Variants in FAM178B observed in about 807,000 individuals in gnomAD.
FAM178B encodes the protein family with sequence similarity 178 member B, also known as protein FAM178B.
FAM178B carries 82 observed loss-of-function variants against 91.7 expected under a neutral mutation model. That is an observed-to-expected ratio of 0.89 (90% CI 0.75 to 1.07). The LOEUF is 1.07. Among genes scored for constraint, FAM178B ranks in the 50% least tolerant of loss-of-function variants. FAM178B has a pLI of 0.00. For synonymous variants in FAM178B, 368 were observed against 359.4 expected (o/e 1.02, Z -0.27); for missense variants, 769 against 846.7 (o/e 0.91, Z 1.14).
intron 7 of FAM178B, 137 bp from the exon 8 acceptor site, chr2:96,948,039 T>G: frequency 1.7e-6 from 1 of 600,962 alleles, no homozygotes; most frequent in Non-Finnish European, 3.0e-6. Context: ...AGAAGGACAT[T>G]GTCATTGTTG....
chr2:96,900,256 G>A (rs907789882), intron 13 of FAM178B, among the ~76,000 whole-genome samples: 1 of 151,998 alleles, frequency 6.6e-6, no homozygotes, highest in Admixed American at 6.6e-5. Context: ...CAGCAACACC[G>A]CTGGGTCCCT....
intron 4 of FAM178B, among the ~76,000 whole-genome samples, chr2:96,967,943 C>G (rs1346570764): frequency 7.0e-5 from 2 of 28,546 alleles, no homozygotes; most frequent in Non-Finnish European, 4.1e-4. Flanking sequence ...TTTTTTGATA[C>G]CAGACATCAC....
At chr2:96,885,308 G>A (rs1488722091) in intron 14 of FAM178B, among the ~76,000 whole-genome samples, 1 of 152,254 alleles carries the variant, frequency 6.6e-6, no homozygotes, top group African/African-American at 2.4e-5. Context: ...CCCAGCACGT[G>A]CCCACACCCT....
At chr2:96,948,993 ACTCTGC>A (rs1404116617) in intron 7 of FAM178B, among the ~76,000 whole-genome samples, 1 of 151,994 alleles carries the variant, frequency 6.6e-6, no homozygotes, top group African/African-American at 2.4e-5. Flanking sequence ...GGCATCTAGA[ACTCTGC>A]CTTTCTCCTC....
intron 13 of FAM178B, chr2:96,898,188 G>T: frequency 1.1e-6 from 1 of 896,698 alleles, no homozygotes; most frequent in African/African-American, 1.8e-5. Context: ...GTGCACTGAT[G>T]AGGAAAGGGA....
Position 96,876,095 on chromosome 2 carries a change from G to A in FAM178B, c.*181C>T, listed in dbSNP as rs1315310401. 6.4e-6 allele frequency: 4 copies of A among 623,224 alleles called. No individual in the cohort carries two copies. The highest frequency in any genetic ancestry group is 2.8e-5 in the East Asian group (1 of 35,576). 38.6% of individuals were successfully genotyped at this position (623,224 alleles called of 1,614,324 possible). ...GAGAGGAGAGGGGGTCGGGGCGGTG[G>A]CAGAGGCAGGCTCTTGCAGAGAGGA... is the stretch of plus-strand genomic sequence containing the variant. On this transcript the variant is annotated 3_prime_UTR_variant, in exon 17 of 17. Coordinates refer to ENST00000490605, the MANE Select transcript of FAM178B (RefSeq NM_001122646.3).
At chr2:96,912,656 C>T (rs115597125) in intron 12 of FAM178B, among the ~76,000 whole-genome samples, 5,024 of 152,250 alleles carry the variant, frequency 0.033, 106 homozygotes, top group Middle Eastern at 0.1. Flanking sequence ...GAGAGGGAGC[C>T]GCGTCCTCTC....
chr2:96,971,952 C>T lies in FAM178B; in HGVS notation c.513G>A (p.Glu171=). Residue 171 remains glutamate, a synonymous_variant, in exon 3 of 17, where the codon GAG becomes GAA. Transcript: ENST00000490605. Reference sequence around the variant, plus strand: ...GGCCTGACGTGTTCCAGAACAGCTTCTCTGGCAAGGCCAGGCCCCTCTTCG... The same window carrying T: ...GGCCTGACGTGTTCCAGAACAGCTTTTCTGGCAAGGCCAGGCCCCTCTTCG... ...LDPKRGLALP[E]KLFWNTSGLS... The T allele has an allele frequency of 6.5e-7, 1 of 1,549,164 alleles. No homozygotes were observed. The highest frequency in any genetic ancestry group is 1.2e-5 in the South Asian group (1 of 82,270).
At chr2:96,914,822 C>A (rs1317151720) in intron 12 of FAM178B, among the ~76,000 whole-genome samples, 2 of 152,056 alleles carry the variant, frequency 1.3e-5, no homozygotes, top group South Asian at 4.2e-4. Flanking sequence ...CCCAGGAGGT[C>A]GAAGCTGCAG....
chr2:96,915,882 A>G (rs2153370410), intron 12 of FAM178B, among the ~76,000 whole-genome samples: 1 of 152,236 alleles, frequency 6.6e-6, no homozygotes, highest in East Asian at 1.9e-4. Flanking sequence ...TATTAACCTC[A>G]CACCCAAAGA....
intron 12 of FAM178B, among the ~76,000 whole-genome samples, chr2:96,908,910 C>T (rs1179776256): frequency 2.0e-5 from 3 of 152,066 alleles, no homozygotes; most frequent in African/African-American, 7.2e-5. Flanking sequence ...CTTTGGGAGG[C>T]TGAGGTGGGA....
chr2:96,922,991 T>TG, intron 10 of FAM178B, among the ~76,000 whole-genome samples: 1 of 147,648 alleles, frequency 6.8e-6, no homozygotes, highest in Non-Finnish European at 1.5e-5. Context: ...TTTTTTGAGA[T>TG]GGAGTCTCGC....
intron 1 of FAM178B, among the ~76,000 whole-genome samples, chr2:96,974,784 A>G (rs2082268081): frequency 6.6e-6 from 1 of 152,146 alleles, no homozygotes; most frequent in Admixed American, 6.6e-5. Context: ...CAAAGATTAT[A>G]TATTGACACA....
At chr2:96,930,084 G>A (rs982296952) in intron 8 of FAM178B, among the ~76,000 whole-genome samples, 2 of 151,806 alleles carry the variant, frequency 1.3e-5, no homozygotes, top group Non-Finnish European at 2.9e-5. Context: ...CGAGCATGGC[G>A]GCATGAGCCT....
chr2:96,889,334 A>G (rs938546941), intron 14 of FAM178B, among the ~76,000 whole-genome samples: 2 of 152,132 alleles, frequency 1.3e-5, no homozygotes, highest in Non-Finnish European at 2.9e-5. Context: ...CTTGTACTAT[A>G]TGCCTCCCAA....
At chr2:96,933,113 C>T (rs1386001679) in intron 8 of FAM178B, among the ~76,000 whole-genome samples, 1 of 140,228 alleles carries the variant, frequency 7.1e-6, no homozygotes, top group Non-Finnish European at 1.6e-5. Context: ...CGTGGTAGTG[C>T]ACGCCTGTAA....
chr2:96,880,585 G>C (rs1303692112), intron 14 of FAM178B, among the ~76,000 whole-genome samples: 3 of 151,324 alleles, frequency 2.0e-5, no homozygotes, highest in Admixed American at 6.6e-5. Context: ...AATACAATGA[G>C]AGTTGGTTTA....
chr2:96,930,760 T>C (rs1275037044), intron 8 of FAM178B, among the ~76,000 whole-genome samples: 1 of 152,208 alleles, frequency 6.6e-6, no homozygotes, highest in Admixed American at 6.5e-5. Flanking sequence ...CCAAGTGTGA[T>C]AGCATCAAGA....
chr2:96,945,017 C>T (rs143350067), intron 8 of FAM178B, among the ~76,000 whole-genome samples: 158 of 152,296 alleles, frequency 1.0e-3, no homozygotes, highest in African/African-American at 3.7e-3. Context: ...GGTCGCTGCT[C>T]ATTTAATCCC....
Sources: allele counts gnomAD v4.1 joint callset (sites outside exome capture counted in the v4.1 genomes callset), GRCh38; gene constraint gnomAD v4.1.1; transcripts MANE v1.5; gene names NCBI Gene and HGNC (gene_info 2026-07-23, HGNC 2026-07-21).